Variants in GPHN observed in about 807,000 individuals in gnomAD.
The protein encoded by GPHN is gephyrin.
GPHN carries 17 observed loss-of-function variants against 95.5 expected under a neutral mutation model. The observed-to-expected ratio is 0.18, with a 90% CI of 0.12 to 0.27. The LOEUF (loss-of-function observed/expected upper bound fraction) is 0.27. GPHN is among the 10% of genes least tolerant of loss of function. GPHN has a pLI of 1.00. For synonymous variants in GPHN, 320 were observed against 322.5 expected (o/e 0.99, Z 0.08); for missense variants, 660 against 978.1 (o/e 0.67, Z 4.34).
the GPHN span, chr14:67,575,521 C>A: frequency 1.7e-6 from 2 of 1,149,822 alleles, no homozygotes; most frequent in Non-Finnish European, 2.6e-6. Flanking sequence ...TCCCCCGAAG[C>A]ACATGACTGC....
chr14:66,926,398 C>T (rs2066483746), intron 8 of GPHN, among the ~76,000 whole-genome samples: 1 of 152,106 alleles, frequency 6.6e-6, no homozygotes, highest in South Asian at 2.1e-4. Flanking sequence ...GTATGTAAGT[C>T]TTTAATCCAT....
chr14:67,144,163 G>A (rs922587957), intron 18 of GPHN, among the ~76,000 whole-genome samples: 2 of 146,328 alleles, frequency 1.4e-5, no homozygotes, highest in African/African-American at 5.1e-5. Context: ...CTTGAGCCTG[G>A]GTGGTCAAGG....
chr14:67,080,943 C>T (rs1168227536), intron 11 of GPHN, among the ~76,000 whole-genome samples: 3 of 152,278 alleles, frequency 2.0e-5, no homozygotes, highest in East Asian at 3.9e-4. Context: ...TTATTTCATT[C>T]CTTTTTTGGC....
chr14:67,111,879 G>C lies in GPHN; in HGVS notation c.1432G>C (p.Val478Leu). Residue 478 changes from valine to leucine, a missense_variant, in exon 15 of 23, where the codon GTG becomes CTG. By Grantham distance (32) the Val-to-Leu change is conservative. This residue lies in a region of GPHN where 257 missense variants were observed against 376.2 expected (regional missense o/e 0.68). Transcript: ENST00000478722. Reference protein sequence around the residue: ...ESDDGTEELEVRILVQARPGQ... With the variant: ...ESDDGTEELELRILVQARPGQ... Reference sequence around the variant, plus strand: ...ATTATAGGGCACTGAAGAACTTGAAGTGCGAATTCTGGTGCAAGCTCGGCC... The same window carrying C: ...ATTATAGGGCACTGAAGAACTTGAACTGCGAATTCTGGTGCAAGCTCGGCC... 6.2e-7 allele frequency: 1 copy of C among 1,613,418 alleles called. No individual in the cohort carries two copies. The highest frequency in any genetic ancestry group is 8.5e-7 in the Non-Finnish European group (1 of 1,179,384).
At chr14:67,164,132 G>A (rs998539026) in intron 19 of GPHN, among the ~76,000 whole-genome samples, 1 of 151,752 alleles carries the variant, frequency 6.6e-6, no homozygotes, top group African/African-American at 2.4e-5. Context: ...GCCGGGCGTG[G>A]TGGCACGTGC....
the GPHN span, chr14:67,198,382 C>T: frequency 6.8e-7 from 1 of 1,461,694 alleles, no homozygotes; most frequent in Non-Finnish European, 9.4e-7. Context: ...TCAAAGAAAA[C>T]TGAAAAGGAT....
rs77768869 is a variant in GPHN, at chr14:66,656,341, G to T, written c.65-24766G>T. ...TTTGGTAGCCTGTTGTTCTTTTGAG[G>T]AATTGCCTGTGTCTCTTAGGTTAAC... On this transcript the variant is annotated intron_variant, in intron 1 of 22. Coordinates refer to ENST00000478722, the MANE Select transcript of GPHN (RefSeq NM_020806.5). Among the ~76,000 whole-genome samples the T allele has an allele frequency of 3.6e-3, 554 of 152,208 alleles. 12 individuals carry two copies. The highest frequency in any genetic ancestry group is 0.013 in the African/African-American group (528 of 41,552).
At chr14:66,815,055 A>G (rs950339509) in intron 3 of GPHN, among the ~76,000 whole-genome samples, 5 of 152,238 alleles carry the variant, frequency 3.3e-5, no homozygotes, top group African/African-American at 9.6e-5. Flanking sequence ...AGCTGAGGAA[A>G]GAATCTCAGA....
chr14:67,418,100 T>C, the GPHN span, among the ~76,000 whole-genome samples: 2 of 152,204 alleles, frequency 1.3e-5, no homozygotes, highest in African/African-American at 4.8e-5. Flanking sequence ...ATATTTACTG[T>C]GTTCCTACTA....
At chr14:66,816,410 G>A (rs570584089) in intron 3 of GPHN, among the ~76,000 whole-genome samples, 6 of 152,116 alleles carry the variant, frequency 3.9e-5, no homozygotes, top group South Asian at 4.1e-4. Flanking sequence ...GAAGTAAAAC[G>A]CTCTTGAGGA....
At chr14:67,362,456 T>C in the GPHN span, among the ~76,000 whole-genome samples, 1 of 152,258 alleles carries the variant, frequency 6.6e-6, no homozygotes, top group Non-Finnish European at 1.5e-5. Context: ...TAGCACATAA[T>C]GGTTTTCAAA....
intron 1 of GPHN, among the ~76,000 whole-genome samples, chr14:66,517,471 C>T (rs1448150068): frequency 6.6e-6 from 1 of 152,162 alleles, no homozygotes; most frequent in Non-Finnish European, 1.5e-5. Flanking sequence ...CATAAAGGAC[C>T]TGGAATAGCC....
At chr14:67,092,012 G>C (rs1244278362) in intron 12 of GPHN, among the ~76,000 whole-genome samples, 1 of 151,926 alleles carries the variant, frequency 6.6e-6, no homozygotes. Context: ...TTGCATAAAT[G>C]GTTAAATCTC....
the GPHN span, chr14:67,473,184 G>A: frequency 5.4e-6 from 3 of 558,324 alleles, no homozygotes; most frequent in East Asian, 3.2e-5. The surrounding 1 kb of genome is among the most constrained non-coding windows in gnomAD (Gnocchi z 6.5). Flanking sequence ...GAACTGGGCC[G>A]CGATCCATGG....
intron 1 of GPHN, among the ~76,000 whole-genome samples, chr14:66,641,303 G>T (rs527840948): frequency 2.0e-5 from 3 of 152,262 alleles, no homozygotes; most frequent in Admixed American, 2.0e-4. Context: ...GCAGCAAGCT[G>T]CAGTTTCCAC....
At chr14:66,644,892 T>C (rs890427377) in intron 1 of GPHN, among the ~76,000 whole-genome samples, 4 of 152,056 alleles carry the variant, frequency 2.6e-5, no homozygotes, top group Non-Finnish European at 4.4e-5. Flanking sequence ...TTTAGGTAAA[T>C]TTTTTTATAA....
chr14:67,118,935 T>C (rs2078856864), intron 16 of GPHN, among the ~76,000 whole-genome samples: 1 of 152,230 alleles, frequency 6.6e-6, no homozygotes, highest in African/African-American at 2.4e-5. Flanking sequence ...GTCTCAGTGG[T>C]GTTTCACAAC....
At chr14:67,723,172 T>C in the GPHN span, among the ~76,000 whole-genome samples, 1 of 152,180 alleles carries the variant, frequency 6.6e-6, no homozygotes, top group Non-Finnish European at 1.5e-5. Flanking sequence ...ATTAATGTTT[T>C]GGGATGGCTT....
intron 3 of GPHN, among the ~76,000 whole-genome samples, chr14:66,798,018 T>C (rs916500755): frequency 6.6e-6 from 1 of 151,848 alleles, no homozygotes; most frequent in Non-Finnish European, 1.5e-5. Context: ...AGTTTTTTGA[T>C]GGCTTTTATC....
Sources: gnomAD v4.1 joint callset for allele counts (sites outside exome capture counted in the v4.1 genomes callset) on GRCh38, gnomAD v4.1.1 for gene constraint, gnomAD v4.1.1 regional missense constraint, Gnocchi (gnomAD v3.1) non-coding constraint, MANE v1.5 for transcripts, NCBI Gene and HGNC (gene_info 2026-07-23, HGNC 2026-07-21) for gene names.